The following PODXL2 variants were observed in gnomAD, a reference collection of about 807,000 sequenced individuals.
PODXL2 encodes the protein podocalyxin-like protein 2.
In PODXL2, 17 loss-of-function variants were observed where a neutral mutation model predicts 53.4. The ratio of observed to expected loss-of-function variants is 0.32; its 90% CI spans 0.22 to 0.48. The LOEUF is 0.48. Among genes scored for constraint, PODXL2 ranks in the 20% least tolerant of loss-of-function variants. PODXL2 has a pLI of 0.99. For synonymous variants in PODXL2, 311 were observed against 306.7 expected, an observed-to-expected ratio of 1.01 and a Z score of -0.15; for missense variants, 673 against 760.0, an observed-to-expected ratio of 0.89 and a Z score of 1.35.
intron 1 of PODXL2, among the ~76,000 whole-genome samples, chr3:127,636,970 G>A (rs774890137): frequency 7.9e-5 from 12 of 152,062 alleles, no homozygotes; most frequent in Non-Finnish European, 1.5e-4. Flanking sequence ...GACTACATGC[G>A]TGTGCCACCA....
chr3:127,629,311 G>A lies in PODXL2; in HGVS notation c.70+22G>A, dbSNP rs887227829. ...GGGGGTGAGTGCGCTCCGGGCCCGA[G>A]CGCGGGAGGGCGGGCGGCGGCGTGG... On this transcript the variant is annotated intron_variant, in intron 1 of 7. Transcript: ENST00000342480. This position sits in a 1 kb window ranked among gnomAD's most constrained non-coding sequence, Gnocchi z 6.4. The A allele has an allele frequency of 3.0e-6, 3 of 1,014,808 alleles. No homozygotes were observed. Among genetic ancestry groups the A allele is most frequent in the Non-Finnish European group, 3.5e-6 (3 of 849,548 alleles). The allele number at this position is 1,014,808 out of a possible 1,614,324, so 62.9% of individuals were successfully genotyped here.
intron 4 of PODXL2, among the ~76,000 whole-genome samples, chr3:127,664,965 T>G (rs1465940239): frequency 2.0e-5 from 3 of 152,216 alleles, no homozygotes; most frequent in Admixed American, 1.3e-4. Flanking sequence ...GTTGAAGACA[T>G]TATTTCCTTT....
rs2074527343 is a variant in PODXL2, at chr3:127,629,450, G to A, written c.70+161G>A. On this transcript the variant is annotated intron_variant, in intron 1 of 7. Coordinates refer to ENST00000342480, the MANE Select transcript of PODXL2 (RefSeq NM_015720.4). The surrounding 1 kb of genome is among the most constrained non-coding windows in gnomAD (Gnocchi z 6.4). ...CGCCGCCCCGACACACGCGCACGAGGAGTGGGTGCGTGGGGGCCGCGGCGG... is the reference window on the plus strand; with the variant it reads ...CGCCGCCCCGACACACGCGCACGAGAAGTGGGTGCGTGGGGGCCGCGGCGG... Among the ~76,000 whole-genome samples, 1 of 149,832 alleles carries A rather than the reference G, an allele frequency of 6.7e-6. No individual in the cohort carries two copies. Among genetic ancestry groups the A allele is most frequent in the African/African-American group, 2.4e-5 (1 of 41,126 alleles).
At chr3:127,671,722 C>A in intron 7 of PODXL2, 109 bp downstream of exon 7, 1 of 1,076,586 alleles carries the variant, frequency 9.3e-7, no homozygotes, top group Non-Finnish European at 1.4e-6. Context: ...GCACAGGGTC[C>A]CGTGGGTGAA....
intron 1 of PODXL2, among the ~76,000 whole-genome samples, chr3:127,630,766 A>G (rs2074540233): frequency 6.6e-6 from 1 of 152,242 alleles, no homozygotes; most frequent in African/African-American, 2.4e-5. Flanking sequence ...CATGTCCATC[A>G]GTGTTGGCTC....
At chr3:127,649,397 C>T (rs1180344004) in intron 2 of PODXL2, among the ~76,000 whole-genome samples, 1 of 152,182 alleles carries the variant, frequency 6.6e-6, no homozygotes, top group Non-Finnish European at 1.5e-5. Flanking sequence ...CTAATCGTCT[C>T]CTTAGGGTAC....
intron 2 of PODXL2, among the ~76,000 whole-genome samples, chr3:127,639,806 A>AC (rs1288067749): frequency 6.6e-6 from 1 of 152,088 alleles, no homozygotes; most frequent in Non-Finnish European, 1.5e-5. Context: ...AAGTAATATG[A>AC]CCCCCCTTGT....
intron 2 of PODXL2, among the ~76,000 whole-genome samples, chr3:127,653,660 AAAAAAG>A (rs975048125): frequency 1.4e-5 from 2 of 147,174 alleles, no homozygotes; most frequent in African/African-American, 4.9e-5. Flanking sequence ...AAGAAAAAAA[AAAAAAG>A]AGAGAAAGTG....
Position 127,629,240 on chromosome 3 carries a change from C to T in PODXL2, c.21C>T (p.Ala7=), listed in dbSNP as rs2074524575. ...ACACCATGGGCCGGCTGCTGCGGGC[C>T]GCCCGGCTGCCGCCGCTGCTTTCGC... MGRLLR[A]ARLPPLLSPL... The change falls in exon 1 of 8, where the codon GCC becomes GCT. Residue 7 remains alanine (A), a synonymous_variant. Coordinates refer to ENST00000342480, the MANE Select transcript of PODXL2 (RefSeq NM_015720.4). The surrounding 1 kb of genome is among the most constrained non-coding windows in gnomAD (Gnocchi z 6.4). 1.0e-6 allele frequency: 1 copy of T among 997,212 alleles called. No homozygotes were observed. The highest frequency in any genetic ancestry group is 1.2e-6 in the Non-Finnish European group (1 of 836,850). 61.8% of individuals were successfully genotyped at this position (997,212 alleles called of 1,614,324 possible).
intron 2 of PODXL2, among the ~76,000 whole-genome samples, chr3:127,650,264 C>T (rs975572562): frequency 7.2e-5 from 11 of 152,016 alleles, no homozygotes; most frequent in Non-Finnish European, 1.5e-4. Flanking sequence ...AGAGTGACTT[C>T]GATAAACTGG....
intron 4 of PODXL2, among the ~76,000 whole-genome samples, chr3:127,667,249 C>CA (rs1392421349): frequency 6.6e-6 from 1 of 152,262 alleles, no homozygotes; most frequent in Non-Finnish European, 1.5e-5. Context: ...TTTAGGTTGG[C>CA]ATGACAACTA....
chr3:127,665,273 A>G (rs552366968), intron 4 of PODXL2, among the ~76,000 whole-genome samples: 2 of 152,334 alleles, frequency 1.3e-5, no homozygotes, highest in East Asian at 3.9e-4. Context: ...GACTTATTTG[A>G]AAAATGAAAG....
intron 2 of PODXL2, among the ~76,000 whole-genome samples, chr3:127,654,942 C>T: frequency 6.6e-6 from 1 of 151,568 alleles, no homozygotes; most frequent in East Asian, 2.0e-4. Flanking sequence ...ACAAATTTTT[C>T]TTTCTTTCTT....
chr3:127,661,883 C>T (rs1327672144), intron 3 of PODXL2, among the ~76,000 whole-genome samples: 1 of 152,000 alleles, frequency 6.6e-6, no homozygotes, highest in Non-Finnish European at 1.5e-5. Flanking sequence ...CCACTGACAC[C>T]GCAAGGAAAA....
At chr3:127,668,823 A>G (rs561593064) in intron 5 of PODXL2, among the ~76,000 whole-genome samples, 1 of 152,276 alleles carries the variant, frequency 6.6e-6, no homozygotes, top group South Asian at 2.1e-4. Flanking sequence ...GCAGGGGAAC[A>G]GGTGTGGTCC....
Position 127,634,924 on chromosome 3 carries a change from C to T in PODXL2, c.71-4321C>T, listed in dbSNP as rs192142127. 4.9e-3 allele frequency among the ~76,000 whole-genome samples: 749 copies of T among 152,142 alleles called. 4 individuals are homozygous for T. Among genetic ancestry groups the T allele is most frequent in the Middle Eastern group, 0.017 (5 of 294 alleles). On this transcript the variant is annotated intron_variant, in intron 1 of 7. Coordinates refer to ENST00000342480, the MANE Select transcript of PODXL2 (RefSeq NM_015720.4). The stretch of plus-strand genomic sequence containing the variant: ...AGTGCAGGGGGAATTGCTAGGGGTT[C>T]GTAAAAGAGCTCTCTTTTTCTTCCA...
chr3:127,629,369 C>A lies in PODXL2; in HGVS notation c.70+80C>A. 6.1e-6 allele frequency: 6 copies of A among 990,416 alleles called. No homozygotes were observed. The highest frequency in any genetic ancestry group is 7.2e-6 in the Non-Finnish European group (6 of 832,188). 61.4% of individuals were successfully genotyped at this position (990,416 alleles called of 1,614,324 possible). ...GCTGGACAGCTCCCCGGGCCGCCAA[C>A]AAAGGGGCCAGAGTGCGGCGCCGCC... On this transcript the variant is annotated intron_variant, in intron 1 of 7. Transcript: ENST00000342480. This position sits in a 1 kb window ranked among gnomAD's most constrained non-coding sequence, Gnocchi z 6.4.
chr3:127,662,268 G>A lies in PODXL2; in HGVS notation c.1163G>A (p.Gly388Glu), dbSNP rs763989368. Reference sequence around the variant, plus strand: ...TGCAAGGACTGGAGCAATCTGGCTGGGAAAAACTACATCATTCTGAACATG... The same window carrying A: ...TGCAAGGACTGGAGCAATCTGGCTGAGAAAAACTACATCATTCTGAACATG... Reference protein sequence around the residue: ...VICKDWSNLAGKNYIILNMTE... With the variant: ...VICKDWSNLAEKNYIILNMTE... The change falls in exon 4 of 8, where the codon GGG becomes GAG. Residue 388 changes from glycine (G) to glutamate (E), a missense_variant. This residue lies in a region of PODXL2 where 588 missense variants were observed against 668.3 expected (regional missense o/e 0.88). Coordinates refer to ENST00000342480, the MANE Select transcript of PODXL2 (RefSeq NM_015720.4). 66 of 1,614,060 alleles carry A rather than the reference G, an allele frequency of 4.1e-5. No homozygotes were observed. The highest frequency in any genetic ancestry group is 5.5e-5 in the Non-Finnish European group (65 of 1,179,996).
In PODXL2 at chr3:127,660,799, CCAGGA is replaced by C; in HGVS notation, c.773_777del (p.Gln258LeufsTer64). ...CCCCAACTACAGTGACTCCGGGGGA[CCAGGA>C]CTCCACCAGCCAAGAGGCAGAGGCC... On this transcript the variant is annotated frameshift_variant, in exon 3 of 8. Coordinates refer to ENST00000342480, the MANE Select transcript of PODXL2 (RefSeq NM_015720.4). LOFTEE classifies it high-confidence loss of function. The C allele has an allele frequency of 6.2e-7, 1 of 1,614,186 alleles. No homozygotes were observed. The highest frequency in any genetic ancestry group is 8.5e-7 in the Non-Finnish European group (1 of 1,180,012).
Sources: allele counts gnomAD v4.1 joint callset (sites outside exome capture counted in the v4.1 genomes callset), GRCh38; gene constraint gnomAD v4.1.1; regional missense constraint gnomAD v4.1.1; non-coding constraint Gnocchi (gnomAD v3.1); transcripts MANE v1.5; gene names NCBI Gene and HGNC (gene_info 2026-07-23, HGNC 2026-07-21).